SUGCT: variants seen among roughly 807,000 people sequenced by gnomAD.
SUGCT encodes the protein succinyl-CoA:glutarate-CoA transferase, also known as succinyl-CoA:glutarate CoA-transferase.
SUGCT carries 41 observed loss-of-function variants against 55.0 expected under a neutral mutation model. That is an observed-to-expected ratio of 0.74 (90% CI 0.58 to 0.97). SUGCT has a LOEUF of 0.97. Among genes scored for constraint, SUGCT ranks in the 50% least tolerant of loss-of-function variants. The pLI is 0.00. For synonymous variants in SUGCT, 187 were observed against 200.4 expected (o/e 0.93, Z 0.56); for missense variants, 568 against 547.8 (o/e 1.04, Z -0.37).
intron 1 of SUGCT, chr7:40,153,805 C>A: frequency 2.5e-6 from 1 of 393,322 alleles, no homozygotes; most frequent in South Asian, 2.3e-5. Flanking sequence ...AGATGCTGTT[C>A]AATGGGATAA....
At chr7:40,260,521 T>A (rs745377803) in intron 7 of SUGCT, among the ~76,000 whole-genome samples, 13 of 152,238 alleles carry the variant, frequency 8.5e-5, no homozygotes, top group Non-Finnish European at 1.9e-4. Flanking sequence ...CCTTTCTTAT[T>A]AGGTAAAACC....
chr7:40,627,114 G>A (rs1044699655), intron 12 of SUGCT, among the ~76,000 whole-genome samples: 5 of 152,220 alleles, frequency 3.3e-5, no homozygotes, highest in South Asian at 2.1e-4. Context: ...ACAAAGAAGA[G>A]GATGTGGAGT....
intron 9 of SUGCT, among the ~76,000 whole-genome samples, chr7:40,348,141 G>A (rs987519651): frequency 3.9e-5 from 6 of 152,238 alleles, no homozygotes; most frequent in Admixed American, 1.3e-4. Context: ...AGCAGCTAGC[G>A]CTGGAGCCCA....
chr7:40,987,400 T>G, the SUGCT span, among the ~76,000 whole-genome samples: 16 of 152,222 alleles, frequency 1.1e-4, no homozygotes, highest in Non-Finnish European at 2.9e-5. Context: ...GATTACAATG[T>G]GGTACCTTCC....
chr7:40,678,035 C>T (rs916535137), intron 12 of SUGCT, among the ~76,000 whole-genome samples: 21 of 152,174 alleles, frequency 1.4e-4, no homozygotes, highest in African/African-American at 4.6e-4. Flanking sequence ...CTCCACAGGG[C>T]ACAGCCGCTG....
chr7:40,361,865 G>A (rs887697858), intron 9 of SUGCT, among the ~76,000 whole-genome samples: 16 of 151,954 alleles, frequency 1.1e-4, no homozygotes, highest in African/African-American at 3.9e-4. Flanking sequence ...ATCACATGGG[G>A]ATCTTAAGAA....
chr7:40,759,786 G>A (rs898261579), intron 13 of SUGCT, among the ~76,000 whole-genome samples: 1 of 151,498 alleles, frequency 6.6e-6, no homozygotes, highest in African/African-American at 2.4e-5. Flanking sequence ...CCTATTTTGG[G>A]ATTACCTGTT....
At chr7:40,659,056 C>T (rs1801174100) in intron 12 of SUGCT, among the ~76,000 whole-genome samples, 1 of 152,156 alleles carries the variant, frequency 6.6e-6, no homozygotes, top group Non-Finnish European at 1.5e-5. Context: ...TGGGAGCAGT[C>T]ACTAGTCTCT....
chr7:40,854,439 T>TCTTTCTTTCTTTC, intron 13 of SUGCT, among the ~76,000 whole-genome samples: 1 of 145,144 alleles, frequency 6.9e-6, no homozygotes, highest in Non-Finnish European at 1.5e-5. Context: ...TTTCTTTCTT[T>TCTTTCTTTCTTTC]CTTTCTTTCT....
At chr7:40,967,787 A>ATT in the SUGCT span, among the ~76,000 whole-genome samples, 1 of 151,650 alleles carries the variant, frequency 6.6e-6, no homozygotes, top group Non-Finnish European at 1.5e-5. Flanking sequence ...CGCCCAGCTA[A>ATT]TTTTTTTTGT....
intron 12 of SUGCT, among the ~76,000 whole-genome samples, chr7:40,664,010 A>T (rs1455565761): frequency 6.6e-6 from 1 of 152,092 alleles, no homozygotes; most frequent in Admixed American, 6.5e-5. Context: ...TCCTTATAAA[A>T]AGGGAAAATT....
intron 9 of SUGCT, among the ~76,000 whole-genome samples, chr7:40,373,234 C>G (rs970981209): frequency 2.8e-4 from 6 of 21,706 alleles, no homozygotes; most frequent in Non-Finnish European, 7.6e-4. Flanking sequence ...AGAAATAATG[C>G]CTATTTAATT....
chr7:40,965,541 T>A, the SUGCT span: 1 of 152,234 alleles, frequency 6.6e-6, no homozygotes, highest in East Asian at 1.9e-4. Flanking sequence ...CACTTTAGAA[T>A]GATTGTTGGC....
In SUGCT at chr7:40,859,254, G is replaced by T. The variant is rs112379324; in HGVS notation, c.1154-1062G>T. On this transcript the variant is annotated intron_variant, in intron 13 of 13. Transcript: ENST00000335693. The stretch of plus-strand genomic sequence containing the variant: ...TAGTTGAAACAACATGTTCCCCAGT[G>T]TCCAGCCTCTCCGTGGAAGAGTGAG... Among the ~76,000 whole-genome samples the T allele has an allele frequency of 3.6e-3, 554 of 152,312 alleles. 1 individual carries two copies. Among genetic ancestry groups the T allele is most frequent in the African/African-American group, 0.012 (519 of 41,560 alleles).
chr7:41,013,140 G>C, the SUGCT span, among the ~76,000 whole-genome samples: 80,924 of 151,794 alleles, frequency 0.53, 22,034 homozygotes, highest in South Asian at 0.72. Context: ...TGCTGTGCTG[G>C]TTCAGAACAA....
At chr7:40,573,019 C>G (rs113950129) in intron 12 of SUGCT, among the ~76,000 whole-genome samples, 2 of 152,138 alleles carry the variant, frequency 1.3e-5, no homozygotes, top group Non-Finnish European at 2.9e-5. Flanking sequence ...ATGCACCCCC[C>G]ACAATGTCTA....
intron 12 of SUGCT, among the ~76,000 whole-genome samples, chr7:40,589,999 T>G (rs1207629727): frequency 6.6e-6 from 1 of 152,182 alleles, no homozygotes; most frequent in Non-Finnish European, 1.5e-5. Flanking sequence ...GTGCCAATGT[T>G]TGAACATATG....
chr7:40,970,520 T>C, the SUGCT span, among the ~76,000 whole-genome samples: 25 of 152,332 alleles, frequency 1.6e-4, no homozygotes, highest in Admixed American at 1.5e-3. Flanking sequence ...GTATAGATTT[T>C]CTTTTGGGTG....
intron 11 of SUGCT, among the ~76,000 whole-genome samples, chr7:40,463,159 A>C (rs188675860): frequency 2.6e-5 from 4 of 152,288 alleles, no homozygotes; most frequent in Admixed American, 6.5e-5. Flanking sequence ...ACTTATAGAC[A>C]CTTTCCTTGC....
Sources: allele counts gnomAD v4.1 joint callset (sites outside exome capture counted in the v4.1 genomes callset), GRCh38; gene constraint gnomAD v4.1.1; transcripts MANE v1.5; gene names NCBI Gene and HGNC (gene_info 2026-07-23, HGNC 2026-07-21).